The following CPNE5 variants were observed in gnomAD, a reference collection of about 807,000 sequenced individuals.
CPNE5 encodes copine 5.
In CPNE5, 42 loss-of-function variants were observed where a neutral mutation model predicts 81.1. The observed-to-expected ratio is 0.52, with a 90% CI of 0.40 to 0.67. The LOEUF is 0.67. CPNE5 is among the 30% of genes least tolerant of loss of function. The pLI, the probability that CPNE5 is intolerant of heterozygous loss-of-function variation, is 0.00. For synonymous variants in CPNE5, 313 were observed against 321.5 expected (o/e 0.97, Z 0.28); for missense variants, 612 against 815.5 (o/e 0.75, Z 3.04).
intron 11 of CPNE5, among the ~76,000 whole-genome samples, chr6:36,764,075 GCC>G (rs1582792110): frequency 4.4e-4 from 55 of 123,958 alleles, no homozygotes; most frequent in African/African-American, 5.3e-4. Flanking sequence ...TGTCCCTGGG[GCC>G]CCACCCCCCC....
chr6:36,788,043 T>C (rs1236877334), intron 8 of CPNE5, among the ~76,000 whole-genome samples: 2 of 151,240 alleles, frequency 1.3e-5, no homozygotes, highest in Non-Finnish European at 3.0e-5. Flanking sequence ...TCTTTTTTTT[T>C]TTTTTTTGAC....
At chr6:36,826,198 C>T (rs1772490946) in intron 1 of CPNE5, among the ~76,000 whole-genome samples, 1 of 151,938 alleles carries the variant, frequency 6.6e-6, no homozygotes, top group African/African-American at 2.4e-5. Flanking sequence ...GAGGTCTTAT[C>T]CTCAAAGACA....
At position 36,740,788 on chromosome 6, in the gene CPNE5, C is replaced by T. The variant is rs1763545365; in HGVS notation, c.*1480G>A. ...AAAACTTCGTGCTTTACTAAAAGAA[C>T]CAAATTTACTTCAGTTTAAGGCAAA... is the stretch of plus-strand genomic sequence containing the variant. On this transcript the variant is annotated 3_prime_UTR_variant, in exon 21 of 21. Coordinates refer to ENST00000244751, the MANE Select transcript of CPNE5 (RefSeq NM_020939.2). 1 of 152,586 alleles carries T rather than the reference C, an allele frequency of 6.6e-6. No individual in the cohort carries two copies. The highest frequency in any genetic ancestry group is 1.5e-5 in the Non-Finnish European group (1 of 68,052). The allele number at this position is 152,586 out of a possible 1,614,324, so 9.5% of individuals were successfully genotyped here. A position where few individuals can be genotyped will look rare whatever the true frequency, so the allele number is the denominator to read the frequency against.
At chr6:36,781,305 A>C (rs187156504) in intron 8 of CPNE5, among the ~76,000 whole-genome samples, 1 of 152,306 alleles carries the variant, frequency 6.6e-6, no homozygotes, top group East Asian at 1.9e-4. Context: ...CTAGGACCTC[A>C]GGCCCTGAAT....
upstream of CPNE5, chr6:36,839,554 A>G: frequency 2.1e-6 from 1 of 475,590 alleles, no homozygotes; most frequent in Non-Finnish European, 3.7e-6. This position sits in a 1 kb window ranked among gnomAD's most constrained non-coding sequence, Gnocchi z 7.3. Flanking sequence ...GGGCGGAGGG[A>G]GCGGGGGCCG....
intron 3 of CPNE5, among the ~76,000 whole-genome samples, chr6:36,812,850 A>C (rs1015205262): frequency 1.3e-5 from 2 of 152,270 alleles, no homozygotes; most frequent in African/African-American, 4.8e-5. Flanking sequence ...GAGAGAGTCC[A>C]GAAAGCCTAC....
chr6:36,749,997 C>T (rs1024370407), intron 14 of CPNE5, among the ~76,000 whole-genome samples: 4 of 152,212 alleles, frequency 2.6e-5, no homozygotes, highest in African/African-American at 7.2e-5. Flanking sequence ...AGAATCACTA[C>T]GGGTGCTTGC....
chr6:36,811,729 G>C (rs1399897489), intron 3 of CPNE5, among the ~76,000 whole-genome samples: 2 of 152,136 alleles, frequency 1.3e-5, no homozygotes, highest in Non-Finnish European at 2.9e-5. Flanking sequence ...ACCTCTGCTT[G>C]AAGGAGGAAA....
At position 36,791,524 on chromosome 6, in the gene CPNE5, A is replaced by C. The variant is rs114792455; in HGVS notation, c.528+509T>G. 8.1e-3 allele frequency among the ~76,000 whole-genome samples: 1,238 copies of C among 152,274 alleles called. 16 individuals carry two copies. The highest frequency in any genetic ancestry group is 0.029 in the African/African-American group (1,187 of 41,538). ...TCCCCCACAGTCCTACAGTAAAAGC[A>C]AGACCAAGGGCTGCCTGGGACTGCA... is the stretch of plus-strand genomic sequence containing the variant. On this transcript the variant is annotated intron_variant, in intron 8 of 20. Transcript: ENST00000244751.
intron 1 of CPNE5, among the ~76,000 whole-genome samples, chr6:36,833,199 G>A (rs1355513644): frequency 6.6e-6 from 1 of 152,204 alleles, no homozygotes; most frequent in Non-Finnish European, 1.5e-5. Flanking sequence ...TCTCCAAAGT[G>A]TACTCACTGT....
At chr6:36,819,133 C>A (rs545778684) in intron 3 of CPNE5, among the ~76,000 whole-genome samples, 1 of 152,198 alleles carries the variant, frequency 6.6e-6, no homozygotes, top group African/African-American at 2.4e-5. Flanking sequence ...GACAGGGTCT[C>A]GCTCTGTCAA....
rs906149150 is a variant in CPNE5, at chr6:36,743,110, A to AG, written c.1563+578dup. 4.1e-6 allele frequency: 4 copies of AG among 985,306 alleles called. No individual in the cohort carries two copies. In the African/African-American group the frequency reaches 5.2e-5, roughly 13 times the overall value. 61.0% of individuals were successfully genotyped at this position (985,306 alleles called of 1,614,324 possible). A position where few individuals can be genotyped will look rare whatever the true frequency, so the allele number is the denominator to read the frequency against. Reference sequence around the variant, plus strand: ...ATACTGGGCCCCAATTTTTAAACCAAGGGGGTATGCAGGATGTCAGCTTTG... The same window carrying AG: ...ATACTGGGCCCCAATTTTTAAACCAAGGGGGGTATGCAGGATGTCAGCTTTG... On this transcript the variant is annotated intron_variant, in intron 20 of 20. Transcript: ENST00000244751.
intron 12 of CPNE5, among the ~76,000 whole-genome samples, chr6:36,757,629 C>G (rs1421908973): frequency 6.6e-6 from 1 of 151,548 alleles, no homozygotes; most frequent in Non-Finnish European, 1.5e-5. Context: ...CATCTATCAC[C>G]TATGTTGGAG....
At chr6:36,823,017 GC>G (rs1224549426) in intron 2 of CPNE5, 40 bp downstream of exon 2, 1 of 1,493,458 alleles carries the variant, frequency 6.7e-7, no homozygotes, top group Middle Eastern at 1.8e-4. Context: ...TCATAGCGTT[GC>G]CGCTATTGTT....
intron 3 of CPNE5, among the ~76,000 whole-genome samples, chr6:36,818,803 A>G (rs1156960698): frequency 6.6e-6 from 1 of 152,224 alleles, no homozygotes; most frequent in Non-Finnish European, 1.5e-5. Context: ...TTGGACAATC[A>G]GAAACCCTCA....
In CPNE5 at chr6:36,766,683, G is replaced by A. The variant is rs1766592331; in HGVS notation, c.738-1307C>T. Among the ~76,000 whole-genome samples, 1 of 152,106 alleles carries A rather than the reference G, an allele frequency of 6.6e-6. No homozygotes were observed. The highest frequency in any genetic ancestry group is 1.5e-5 in the Non-Finnish European group (1 of 68,020). Reference sequence around the variant, plus strand: ...GGCCCCTCACTATGGGACCTGAGATGTCACTTAATCTCCCCGAGCCATAAG... The same window carrying A: ...GGCCCCTCACTATGGGACCTGAGATATCACTTAATCTCCCCGAGCCATAAG... On this transcript the variant is annotated intron_variant, in intron 10 of 20. Coordinates refer to ENST00000244751, the MANE Select transcript of CPNE5 (RefSeq NM_020939.2). The surrounding 1 kb of genome is among the most constrained non-coding windows in gnomAD (Gnocchi z 4.2).
intron 8 of CPNE5, among the ~76,000 whole-genome samples, chr6:36,789,543 T>A (rs1176879224): frequency 2.6e-5 from 4 of 152,216 alleles, no homozygotes; most frequent in African/African-American, 7.2e-5. Context: ...TTCCTAGGCA[T>A]CTGTTAGACA....
Position 36,743,809 on chromosome 6 carries a change from C to A in CPNE5, c.1490-47G>T, listed in dbSNP as rs372383207. 57 of 1,515,946 alleles carry A rather than the reference C, an allele frequency of 3.8e-5. No homozygotes were observed. In the African/African-American group the frequency reaches 7.1e-4, roughly 19 times the overall value. 93.9% of individuals were successfully genotyped at this position (1,515,946 alleles called of 1,614,324 possible). A position where few individuals can be genotyped will look rare whatever the true frequency, so the allele number is the denominator to read the frequency against. On this transcript the variant is annotated intron_variant, in intron 19 of 20. Transcript: ENST00000244751. ...GGGGCGGGGTGAGATTAACGGTGGACCCCTGGCCCTAGCAGGAGAGTGGAC... is the reference window on the plus strand; with the variant it reads ...GGGGCGGGGTGAGATTAACGGTGGAACCCTGGCCCTAGCAGGAGAGTGGAC...
At chr6:36,758,413 C>CTTTTTTTTTTT in intron 12 of CPNE5, among the ~76,000 whole-genome samples, 3 of 130,232 alleles carry the variant, frequency 2.3e-5, no homozygotes, top group African/African-American at 1.1e-4. Context: ...CCATGTCTGG[C>CTTTTTTTTTTT]TATTTTTTTT....
Sources: gnomAD v4.1 joint callset for allele counts (sites outside exome capture counted in the v4.1 genomes callset) on GRCh38, gnomAD v4.1.1 for gene constraint, Gnocchi (gnomAD v3.1) non-coding constraint, MANE v1.5 for transcripts, NCBI Gene and HGNC (gene_info 2026-07-23, HGNC 2026-07-21) for gene names.